KCNIP1: variants seen among roughly 807,000 people sequenced by gnomAD.
KCNIP1 encodes A-type potassium channel modulatory protein KCNIP1.
Under a neutral mutation model 33.0 loss-of-function variants are expected in KCNIP1, and 18 were observed. That is an observed-to-expected ratio of 0.55 (90% confidence interval 0.38 to 0.81). KCNIP1 has a LOEUF of 0.81. Ranked by LOEUF, KCNIP1 falls within the 30% of genes least tolerant of loss-of-function variation. KCNIP1 has a pLI of 0.00. For missense variants in KCNIP1, 238 were observed against 271.6 expected, an observed-to-expected ratio of 0.88 and a Z score of 0.87; for synonymous variants, 93 against 98.3, an observed-to-expected ratio of 0.95 and a Z score of 0.32.
intron 1 of KCNIP1, among the ~76,000 whole-genome samples, chr5:170,564,466 G>A (rs10063785): frequency 0.56 from 84,393 of 152,000 alleles, 23,683 homozygotes; most frequent in East Asian, 0.65. Flanking sequence ...CGAGCTGTTA[G>A]GCACTGACCG....
chr5:170,562,011 T>C (rs1757049984), intron 1 of KCNIP1, among the ~76,000 whole-genome samples: 3 of 152,188 alleles, frequency 2.0e-5, no homozygotes, highest in South Asian at 2.1e-4. Flanking sequence ...AGGTTATGTC[T>C]CAATAAACCC....
chr5:170,729,252 C>G (rs563029012), intron 5 of KCNIP1, among the ~76,000 whole-genome samples: 2 of 151,994 alleles, frequency 1.3e-5, no homozygotes. Context: ...GATGGCTTTA[C>G]ACTGTAAATA....
intron 1 of KCNIP1, among the ~76,000 whole-genome samples, chr5:170,478,240 A>G (rs1332785792): frequency 6.6e-6 from 1 of 152,222 alleles, no homozygotes. Flanking sequence ...TATTCATTTG[A>G]TACCTTTTGT....
chr5:170,560,723 C>T (rs1380025225), intron 1 of KCNIP1, among the ~76,000 whole-genome samples: 1 of 152,020 alleles, frequency 6.6e-6, no homozygotes, highest in Non-Finnish European at 1.5e-5. Flanking sequence ...TCCCTCTGTC[C>T]CCTCTATGTA....
chr5:170,414,283 G>C (rs1466317346), intron 1 of KCNIP1, among the ~76,000 whole-genome samples: 1 of 152,216 alleles, frequency 6.6e-6, no homozygotes, highest in East Asian at 1.9e-4. Context: ...GTTACATCAA[G>C]TTTAACGTAA....
intron 1 of KCNIP1, among the ~76,000 whole-genome samples, chr5:170,624,727 GGAGGT>G (rs1759749929): frequency 1.0e-5 from 1 of 97,346 alleles, no homozygotes; most frequent in Non-Finnish European, 2.1e-5. Context: ...AGGAGACCGG[GGAGGT>G]GGGGGGGGAG....
At chr5:170,650,761 G>A (rs1354960003) in intron 1 of KCNIP1, among the ~76,000 whole-genome samples, 2 of 152,130 alleles carry the variant, frequency 1.3e-5, no homozygotes, top group African/African-American at 4.8e-5. Context: ...TTCCAAAGTA[G>A]ATGTAGCATT....
chr5:170,639,775 G>A (rs778046314), intron 1 of KCNIP1, among the ~76,000 whole-genome samples: 1 of 152,330 alleles, frequency 6.6e-6, no homozygotes, highest in East Asian at 1.9e-4. Flanking sequence ...CTGCTCACAG[G>A]TCAGATTGCC....
At chr5:170,409,392 T>G (rs1203520330) in intron 1 of KCNIP1, among the ~76,000 whole-genome samples, 2 of 152,136 alleles carry the variant, frequency 1.3e-5, no homozygotes, top group Admixed American at 6.5e-5. Context: ...GTGTGCAATG[T>G]GGGTGTGAAC....
chr5:170,733,720 A>G, intron 6 of KCNIP1, 116 bp from the exon 7 acceptor site: 1 of 820,358 alleles, frequency 1.2e-6, no homozygotes, highest in South Asian at 1.7e-5. Context: ...TTGGTTAATG[A>G]AATGAATGAA....
At chr5:170,471,116 G>A (rs190296840) in intron 1 of KCNIP1, among the ~76,000 whole-genome samples, 18 of 152,248 alleles carry the variant, frequency 1.2e-4, no homozygotes, top group Middle Eastern at 3.4e-3. Flanking sequence ...GGCTTGCTAC[G>A]TGCCTGGAAT....
In KCNIP1 at chr5:170,721,867, C is replaced by A; in HGVS notation, c.291C>A (p.Ala97=). ...ASTYAHYLFN[A]FDTTQTGSVK... ...CGTATGCCCATTACCTCTTCAATGC[C>A]TTCGACACCACTCAGACAGGCTCCG... The change falls in exon 4 of 8, where the codon GCC becomes GCA. Residue 97 remains alanine (A), a synonymous_variant. Transcript: ENST00000328939. 1 of 1,614,152 alleles carries A rather than the reference C, an allele frequency of 6.2e-7. No homozygotes were observed. The highest frequency in any genetic ancestry group is 2.2e-5 in the East Asian group (1 of 44,876).
intron 7 of KCNIP1, among the ~76,000 whole-genome samples, 179 bp from the exon 8 acceptor site, chr5:170,735,580 G>A (rs1015562279): frequency 6.6e-6 from 1 of 152,104 alleles, no homozygotes; most frequent in Non-Finnish European, 1.5e-5. Flanking sequence ...GGCTACAGGT[G>A]GTGCTTCTTA....
chr5:170,575,049 G>A (rs1757550498), intron 1 of KCNIP1, among the ~76,000 whole-genome samples: 1 of 152,132 alleles, frequency 6.6e-6, no homozygotes, highest in East Asian at 1.9e-4. Flanking sequence ...ACAGTACAAG[G>A]CAGTAGAGGC....
intron 1 of KCNIP1, among the ~76,000 whole-genome samples, chr5:170,391,445 A>G (rs1754588316): frequency 6.6e-6 from 1 of 152,248 alleles, no homozygotes; most frequent in Admixed American, 6.5e-5. Context: ...AAAGGCATTG[A>G]CAAGCCCTGT....
At chr5:170,389,653 G>A (rs1005310995) in intron 1 of KCNIP1, 6 of 152,260 alleles carry the variant, frequency 3.9e-5, no homozygotes, top group African/African-American at 7.2e-5. Context: ...GGCTGGCAAA[G>A]ATGCCAGAAA....
At chr5:170,402,736 G>A (rs1370327731) in intron 1 of KCNIP1, among the ~76,000 whole-genome samples, 1 of 152,214 alleles carries the variant, frequency 6.6e-6, no homozygotes, top group Non-Finnish European at 1.5e-5. Flanking sequence ...AGGCTCAGTG[G>A]CTTCTCAGCA....
intron 1 of KCNIP1, among the ~76,000 whole-genome samples, chr5:170,460,447 G>A (rs1043865719): frequency 4.6e-5 from 7 of 151,994 alleles, no homozygotes; most frequent in African/African-American, 1.7e-4. Flanking sequence ...TTAACAAAAT[G>A]CTAGCTAACC....
intron 1 of KCNIP1, among the ~76,000 whole-genome samples, chr5:170,438,262 T>TCAG (rs1231243726): frequency 1.3e-5 from 2 of 152,176 alleles, no homozygotes; most frequent in African/African-American, 4.8e-5. Context: ...GCTTTTCCTG[T>TCAG]CAGCCCCTTG....
Sources: allele counts gnomAD v4.1 joint callset (sites outside exome capture counted in the v4.1 genomes callset), GRCh38; gene constraint gnomAD v4.1.1; transcripts MANE v1.5; gene names NCBI Gene and HGNC (gene_info 2026-07-23, HGNC 2026-07-21).